DNAH12: variants seen among roughly 807,000 people sequenced by gnomAD.
DNAH12 encodes axonemal beta dynein heavy chain 12.
A neutral mutation model predicts 371.5 loss-of-function variants in DNAH12; 285 were observed. The observed-to-expected ratio is 0.77, with a 90% CI of 0.70 to 0.85. The LOEUF is 0.85. DNAH12 is among the 40% of genes least tolerant of loss of function. The pLI is 0.00. For missense variants in DNAH12, 3,611 were observed against 3,689.4 expected (o/e 0.98, Z 0.55); for synonymous variants, 1,200 against 1,213.0 (o/e 0.99, Z 0.22).
rs1388731207 is a variant in DNAH12 at position 57,405,124 on chromosome 3, A to T, written c.6600T>A (p.Asn2200Lys). 2.0e-6 allele frequency: 3 copies of T among 1,537,210 alleles called. No individual in the cohort carries two copies. The African/African-American group carries it at 4.2e-5, about 21-fold the overall frequency. ...GATTCATATAATCACCAAACATGAGATTTCTTAAGTCTTCTTCAGTTACCT... is the reference window on the plus strand; with the variant it reads ...GATTCATATAATCACCAAACATGAGTTTTCTTAAGTCTTCTTCAGTTACCT... Reference protein sequence around the residue: ...NAPVTEEDLRNLMFGDYMNPD... With the variant: ...NAPVTEEDLRKLMFGDYMNPD... The change falls in exon 42 of 74, where the codon AAT becomes AAA. Residue 2200 changes from asparagine to lysine, a missense_variant. Coordinates refer to ENST00000495027, the MANE Select transcript of DNAH12 (RefSeq NM_001366028.2).
At chr3:57,510,589 G>A (rs916497573) in intron 5 of DNAH12, among the ~76,000 whole-genome samples, 10 of 151,916 alleles carry the variant, frequency 6.6e-5, no homozygotes, top group Admixed American at 5.3e-4. Flanking sequence ...GCAGTGAGCC[G>A]AAATAGCACC....
chr3:57,430,507 T>C (rs1415754970), intron 32 of DNAH12, among the ~76,000 whole-genome samples: 1 of 152,168 alleles, frequency 6.6e-6, no homozygotes, highest in Non-Finnish European at 1.5e-5. Flanking sequence ...CTTGGTCTCT[T>C]AATCTAAAAC....
intron 55 of DNAH12, among the ~76,000 whole-genome samples, chr3:57,368,533 A>T (rs2063100034): frequency 6.6e-6 from 1 of 152,076 alleles, no homozygotes; most frequent in South Asian, 2.1e-4. Context: ...AAGTAGTAGG[A>T]CCTTGTGAAT....
At chr3:57,295,919 G>A (rs1175392518) in intron 72 of DNAH12, among the ~76,000 whole-genome samples, 1 of 152,124 alleles carries the variant, frequency 6.6e-6, no homozygotes, top group Admixed American at 6.5e-5. Context: ...TTAATTTCCT[G>A]AGTGAAGCAG....
upstream of DNAH12, among the ~76,000 whole-genome samples, chr3:57,544,578 T>C (rs1412769107): frequency 2.6e-5 from 4 of 152,198 alleles, no homozygotes; most frequent in Non-Finnish European, 5.9e-5. Flanking sequence ...CTTCAAACTG[T>C]GGAAAACTGC....
chr3:57,414,908 G>A (rs1022837728), intron 38 of DNAH12, among the ~76,000 whole-genome samples: 2 of 152,124 alleles, frequency 1.3e-5, no homozygotes, highest in African/African-American at 4.8e-5. Flanking sequence ...ACGGCAATTA[G>A]AAACAGTTTC....
At chr3:57,519,643 T>C in intron 4 of DNAH12, 1 of 1,320,140 alleles carries the variant, frequency 7.6e-7, no homozygotes. Context: ...TCTGAACAAC[T>C]GCACTAAGAA....
chr3:57,478,760 G>A (rs989686278), intron 13 of DNAH12, among the ~76,000 whole-genome samples: 1 of 152,130 alleles, frequency 6.6e-6, no homozygotes, highest in African/African-American at 2.4e-5. Flanking sequence ...AGAGAGTGGG[G>A]GCCAATATTC....
chr3:57,489,709 G>T, intron 11 of DNAH12, 22 bp from the exon 12 acceptor site: 2 of 1,385,314 alleles, frequency 1.4e-6, no homozygotes, highest in Non-Finnish European at 9.5e-7. Flanking sequence ...GTGTTCAAAT[G>T]AAAAAAAAAA....
At chr3:57,467,915 T>C (rs1330530099) in intron 17 of DNAH12, among the ~76,000 whole-genome samples, 1 of 152,146 alleles carries the variant, frequency 6.6e-6, no homozygotes, top group Non-Finnish European at 1.5e-5. Flanking sequence ...ACATCAAAGA[T>C]GCAAACAGAT....
chr3:57,422,484 G>A (rs917182081), intron 35 of DNAH12, among the ~76,000 whole-genome samples: 7 of 152,000 alleles, frequency 4.6e-5, no homozygotes, highest in African/African-American at 1.5e-4. Flanking sequence ...GTGAGACACC[G>A]CGCCCGGCCT....
intron 29 of DNAH12, 31 bp downstream of exon 29, chr3:57,444,666 C>A (rs1294036573): frequency 1.5e-5 from 23 of 1,543,486 alleles, no homozygotes; most frequent in South Asian, 2.4e-5. Flanking sequence ...ATTTATTATG[C>A]CGAATAAGTC....
At chr3:57,508,077 C>T (rs1404630317) in intron 7 of DNAH12, among the ~76,000 whole-genome samples, 2 of 151,258 alleles carry the variant, frequency 1.3e-5, no homozygotes, top group African/African-American at 2.4e-5. Context: ...ATCCCAGCTA[C>T]TCGGAAGGCT....
At chr3:57,355,645 T>C (rs1342436624) in intron 59 of DNAH12, among the ~76,000 whole-genome samples, 2 of 152,160 alleles carry the variant, frequency 1.3e-5, no homozygotes, top group African/African-American at 2.4e-5. Flanking sequence ...CAACCAGCAG[T>C]GTAAGAGGGT....
chr3:57,423,596 A>T (rs758288415), intron 35 of DNAH12, among the ~76,000 whole-genome samples: 1 of 152,116 alleles, frequency 6.6e-6, no homozygotes, highest in Admixed American at 6.6e-5. Flanking sequence ...GTGAGGGGAG[A>T]GGGAGGAGAT....
At chr3:57,434,068 T>C (rs1421859480) in intron 30 of DNAH12, among the ~76,000 whole-genome samples, 1 of 152,162 alleles carries the variant, frequency 6.6e-6, no homozygotes, top group Non-Finnish European at 1.5e-5. Context: ...CAAATGACAA[T>C]GAAAACTTAT....
In DNAH12 at chr3:57,334,882, G is replaced by T. The variant is rs2062187312; in HGVS notation, c.9733C>A (p.Leu3245Ile). 2 of 1,551,576 alleles carry T rather than the reference G, an allele frequency of 1.3e-6. No homozygotes were observed. The highest frequency in any genetic ancestry group is 8.7e-7 in the Non-Finnish European group (1 of 1,146,996). ...TCAGGATTTTTCTCAGCACTTTTAA[G>T]ACTTACTCCTCCAGTTAAAAGAAAC... is the stretch of plus-strand genomic sequence containing the variant. ...LMFLLTGGVS[L>I]KSAEKNPDPT... Residue 3245 changes from leucine to isoleucine, a missense_variant, in exon 61 of 74, where the codon CTT becomes ATT. Leu to Ile is a conservative substitution (Grantham distance 5). Coordinates refer to ENST00000495027, the MANE Select transcript of DNAH12 (RefSeq NM_001366028.2).
intron 40 of DNAH12, among the ~76,000 whole-genome samples, chr3:57,406,407 T>TAGTACTA (rs2064031315): frequency 6.7e-6 from 1 of 149,422 alleles, no homozygotes; most frequent in Non-Finnish European, 1.5e-5. Context: ...GAAAATTGCA[T>TAGTACTA]AGTACTAAGC....
At position 57,472,637 on chromosome 3, in the gene DNAH12, A is replaced by G; in HGVS notation, c.1685T>C (p.Val562Ala). ...SKRQMSYFLD[V>A]FLFPQEDLAL... ...TAAGTCTTCTTGAGGAAATAGGAAA[A>G]CATCTAAAAAGTAACTCATTTGGCG... Residue 562 changes from valine (V) to alanine (A), a missense_variant, in exon 14 of 74, where the codon GTT becomes GCT. Val to Ala is a moderately conservative substitution (Grantham distance 64). Transcript: ENST00000495027. 6.4e-7 allele frequency: 1 copy of G among 1,551,066 alleles called. No individual in the cohort carries two copies. The highest frequency in any genetic ancestry group is 2.4e-5 in the East Asian group (1 of 40,826).
Sources: allele counts gnomAD v4.1 joint callset (sites outside exome capture counted in the v4.1 genomes callset), GRCh38; gene constraint gnomAD v4.1.1; transcripts MANE v1.5; gene names NCBI Gene and HGNC (gene_info 2026-07-23, HGNC 2026-07-21).